The following ADAM12 variants were observed in gnomAD, a reference collection of about 807,000 sequenced individuals.
The protein encoded by ADAM12 is ADAM metallopeptidase domain 12, also known as disintegrin and metalloproteinase domain-containing protein 12.
In ADAM12, 70 loss-of-function variants were observed where a neutral mutation model predicts 106.4. That is an observed-to-expected ratio of 0.66 (90% CI 0.54 to 0.80). ADAM12 has a LOEUF of 0.80. Ranked by LOEUF, ADAM12 falls within the 30% of genes least tolerant of loss-of-function variation. ADAM12 has a pLI of 0.00. For missense variants in ADAM12, 1,010 were observed against 1,171.9 expected (o/e 0.86, Z 2.02); for synonymous variants, 420 against 433.5 (o/e 0.97, Z 0.39).
At chr10:126,351,340 T>A (rs1855351040) in intron 1 of ADAM12, among the ~76,000 whole-genome samples, 1 of 151,956 alleles carries the variant, frequency 6.6e-6, no homozygotes, top group African/African-American at 2.4e-5. Context: ...ATCAAGAGGG[T>A]TCCCACTGGA....
At chr10:126,088,564 G>A (rs1180171592) in intron 11 of ADAM12, among the ~76,000 whole-genome samples, 1 of 147,148 alleles carries the variant, frequency 6.8e-6, no homozygotes, top group African/African-American at 2.6e-5. Context: ...AAAAAAATTA[G>A]CTGGGCATGG....
chr10:126,226,911 A>G (rs2133862294), intron 3 of ADAM12, among the ~76,000 whole-genome samples: 1 of 152,310 alleles, frequency 6.6e-6, no homozygotes, highest in East Asian at 1.9e-4. Flanking sequence ...GAACATATAT[A>G]CTGGCCAAGT....
chr10:126,073,642 T>C (rs1266938782), intron 11 of ADAM12, among the ~76,000 whole-genome samples: 1 of 152,248 alleles, frequency 6.6e-6, no homozygotes, highest in Admixed American at 6.5e-5. Flanking sequence ...TTTCTGTTCC[T>C]GCATTAGTTT....
intron 11 of ADAM12, among the ~76,000 whole-genome samples, chr10:126,090,455 C>G (rs182889890): frequency 1.1e-3 from 170 of 152,228 alleles, no homozygotes; most frequent in Middle Eastern, 0.01. Flanking sequence ...TTTTCTTACT[C>G]CTATAAATGC....
chr10:126,076,091 T>C (rs1955094962), intron 11 of ADAM12, among the ~76,000 whole-genome samples: 1 of 152,182 alleles, frequency 6.6e-6, no homozygotes, highest in Admixed American at 6.5e-5. Flanking sequence ...TCCTCCCCCA[T>C]CTAATAGTCC....
intron 8 of ADAM12, 33 bp from the exon 9 acceptor site, chr10:126,101,274 T>G (rs1955662679): frequency 6.2e-7 from 1 of 1,601,296 alleles, no homozygotes; most frequent in African/African-American, 1.3e-5. Flanking sequence ...GCATTGGAGT[T>G]GGGATCACGT....
At chr10:126,110,950 T>G (rs1279081261) in intron 6 of ADAM12, among the ~76,000 whole-genome samples, 2 of 152,214 alleles carry the variant, frequency 1.3e-5, no homozygotes, top group African/African-American at 4.8e-5. Context: ...AGTTTAAAAC[T>G]TGCATGTTAT....
intron 4 of ADAM12, among the ~76,000 whole-genome samples, chr10:126,144,792 GA>G (rs1314786180): frequency 1.3e-5 from 2 of 152,180 alleles, no homozygotes; most frequent in Non-Finnish European, 1.5e-5. Flanking sequence ...GAACTGCTGT[GA>G]AATGATCACT....
intron 21 of ADAM12, among the ~76,000 whole-genome samples, chr10:126,022,362 C>T (rs796656112): frequency 7.9e-5 from 12 of 152,318 alleles, no homozygotes; most frequent in African/African-American, 2.9e-4. Context: ...CATCTGCTTC[C>T]TCCAGCCATG....
chr10:126,034,974 G>A (rs975666027), intron 21 of ADAM12, among the ~76,000 whole-genome samples: 11 of 152,034 alleles, frequency 7.2e-5, no homozygotes, highest in African/African-American at 1.2e-4. Flanking sequence ...TGTGTGTATC[G>A]CAAACAACAG....
chr10:126,266,538 T>C (rs1565178759), intron 3 of ADAM12, among the ~76,000 whole-genome samples: 1 of 152,208 alleles, frequency 6.6e-6, no homozygotes, highest in African/African-American at 2.4e-5. Flanking sequence ...GCACTCATGC[T>C]GTGAATGGCA....
At chr10:126,089,030 T>C (rs957747680) in intron 11 of ADAM12, among the ~76,000 whole-genome samples, 3 of 152,044 alleles carry the variant, frequency 2.0e-5, no homozygotes, top group Non-Finnish European at 2.9e-5. Flanking sequence ...TTATCCTCAG[T>C]GCACAACACG....
intron 1 of ADAM12, 35 bp from the exon 2 acceptor site, chr10:126,330,544 C>T: frequency 6.3e-7 from 1 of 1,576,950 alleles, no homozygotes; most frequent in Non-Finnish European, 8.7e-7. Flanking sequence ...ATATTTCACT[C>T]TAGTCAGGAA....
At chr10:126,264,061 C>T (rs1038743647) in intron 3 of ADAM12, among the ~76,000 whole-genome samples, 9 of 152,108 alleles carry the variant, frequency 5.9e-5, no homozygotes, top group Non-Finnish European at 4.4e-5. Context: ...TTTCATTTAA[C>T]CAACCTAACA....
At chr10:126,330,122 A>T (rs968643794) in intron 2 of ADAM12, among the ~76,000 whole-genome samples, 1 of 152,228 alleles carries the variant, frequency 6.6e-6, no homozygotes, top group Non-Finnish European at 1.5e-5. Flanking sequence ...AATGCCCATC[A>T]TTCATTCAGT....
intron 3 of ADAM12, among the ~76,000 whole-genome samples, chr10:126,169,586 TA>T (rs982603984): frequency 1.5e-3 from 221 of 152,026 alleles, no homozygotes; most frequent in Non-Finnish European, 2.1e-3. Context: ...CTTTCTACTC[TA>T]AAAAAAATAA....
intron 3 of ADAM12, among the ~76,000 whole-genome samples, chr10:126,192,322 T>C (rs996990765): frequency 2.0e-5 from 3 of 152,210 alleles, no homozygotes; most frequent in Non-Finnish European, 4.4e-5. Flanking sequence ...ATAATGGCCA[T>C]CACCCAATAA....
intron 2 of ADAM12, among the ~76,000 whole-genome samples, chr10:126,327,525 G>C (rs1854347367): frequency 6.6e-6 from 1 of 152,068 alleles, no homozygotes; most frequent in Non-Finnish European, 1.5e-5. Context: ...GGGAGATCGA[G>C]ACAGGAGGAT....
intron 14 of ADAM12, among the ~76,000 whole-genome samples, chr10:126,061,843 GT>G (rs1226653901): frequency 6.6e-6 from 1 of 152,210 alleles, no homozygotes; most frequent in Non-Finnish European, 1.5e-5. Context: ...CTCCAGAACT[GT>G]AAAATGAAGC....
Sources: gnomAD v4.1 joint callset for allele counts (sites outside exome capture counted in the v4.1 genomes callset) on GRCh38, gnomAD v4.1.1 for gene constraint, MANE v1.5 for transcripts, NCBI Gene and HGNC (gene_info 2026-07-23, HGNC 2026-07-21) for gene names.